Variants in SETBP1 observed in about 807,000 individuals in gnomAD.
SETBP1 encodes the protein SET-binding protein.
A neutral mutation model predicts 101.0 loss-of-function variants in SETBP1; 9 were observed. The observed-to-expected ratio is 0.09, with a 90% CI of 0.05 to 0.16. The LOEUF is 0.16. Among genes scored for constraint, SETBP1 ranks in the 10% least tolerant of loss-of-function variants. SETBP1 has a pLI of 1.00. For synonymous variants in SETBP1, 818 were observed against 788.5 expected (o/e 1.04, Z -0.63); for missense variants, 1,858 against 2,033.8 (o/e 0.91, Z 1.66).
chr18:44,722,339 C>T (rs1308243148), intron 2 of SETBP1, among the ~76,000 whole-genome samples: 1 of 152,140 alleles, frequency 6.6e-6, no homozygotes, highest in Non-Finnish European at 1.5e-5. Flanking sequence ...CCTACCTTCC[C>T]ATGAGTCCCC....
At chr18:44,976,092 A>T (rs2071980839) in intron 4 of SETBP1, among the ~76,000 whole-genome samples, 1 of 150,868 alleles carries the variant, frequency 6.6e-6, no homozygotes, top group African/African-American at 2.5e-5. Context: ...ACACACACAC[A>T]CACACACACA....
intron 3 of SETBP1, among the ~76,000 whole-genome samples, chr18:44,948,116 G>A (rs947221503): frequency 6.6e-6 from 1 of 152,174 alleles, no homozygotes; most frequent in South Asian, 2.1e-4. Context: ...ACCCTCAAGT[G>A]GTCGGATTAA....
chr18:44,911,339 C>A (rs1381455326), intron 3 of SETBP1, among the ~76,000 whole-genome samples: 1 of 152,174 alleles, frequency 6.6e-6, no homozygotes, highest in African/African-American at 2.4e-5. Context: ...TTTGTCATTA[C>A]TTTTCGTTGC....
At chr18:45,007,383 G>A (rs1283232220) in intron 4 of SETBP1, among the ~76,000 whole-genome samples, 1 of 152,046 alleles carries the variant, frequency 6.6e-6, no homozygotes, top group Non-Finnish European at 1.5e-5. Context: ...AGGGTTTGCT[G>A]ATGAAATGGA....
chr18:44,934,014 C>G (rs991924673), intron 3 of SETBP1, among the ~76,000 whole-genome samples: 8 of 152,222 alleles, frequency 5.3e-5, no homozygotes, highest in African/African-American at 9.6e-5. Context: ...TTCTGCGTCA[C>G]TCATGCTGGG....
At chr18:44,693,261 T>C (rs1459451682) in intron 1 of SETBP1, among the ~76,000 whole-genome samples, 5 of 152,176 alleles carry the variant, frequency 3.3e-5, no homozygotes, top group African/African-American at 1.2e-4. Context: ...TTGGAGTGTC[T>C]CTCTGTATCA....
intron 2 of SETBP1, among the ~76,000 whole-genome samples, chr18:44,787,550 T>A (rs2071263983): frequency 6.6e-6 from 1 of 152,106 alleles, no homozygotes; most frequent in South Asian, 2.1e-4. Context: ...CTGTAGTAGT[T>A]GGTCATTTAA....
intron 2 of SETBP1, among the ~76,000 whole-genome samples, chr18:44,721,414 G>A (rs2069593402): frequency 6.6e-6 from 1 of 152,130 alleles, no homozygotes; most frequent in Non-Finnish European, 1.5e-5. Flanking sequence ...TTCTGTATAT[G>A]AGGCCAGTTG....
intron 3 of SETBP1, among the ~76,000 whole-genome samples, chr18:44,924,531 T>C (rs1037098651): frequency 2.0e-5 from 3 of 152,150 alleles, no homozygotes; most frequent in African/African-American, 7.2e-5. Context: ...TTTATTATAT[T>C]AATGGGGAAA....
intron 2 of SETBP1, among the ~76,000 whole-genome samples, chr18:44,835,319 C>A (rs997524394): frequency 6.6e-6 from 1 of 152,174 alleles, no homozygotes; most frequent in East Asian, 1.9e-4. Context: ...ACTAAGCCAG[C>A]CTTCAAAGGT....
Position 44,951,470 on chromosome 18 carries a change from C to T in SETBP1, c.2130C>T (p.Gly710=). ...PGAAAIESKL[G]KQINVSKRGT... Reference sequence around the variant, plus strand: ...CAGCAGCCATTGAAAGCAAACTGGGCAAGCAGATTAATGTCAGCAAGAGGG... The same window carrying T: ...CAGCAGCCATTGAAAGCAAACTGGGTAAGCAGATTAATGTCAGCAAGAGGG... Residue 710 remains glycine, a synonymous_variant, in exon 4 of 6, where the codon GGC becomes GGT. Transcript: ENST00000649279. This position sits in a 1 kb window ranked among gnomAD's most constrained non-coding sequence, Gnocchi z 7.8. 6.2e-7 allele frequency: 1 copy of T among 1,614,054 alleles called. No homozygotes were observed. The highest frequency in any genetic ancestry group is 8.5e-7 in the Non-Finnish European group (1 of 1,180,014).
intron 3 of SETBP1, among the ~76,000 whole-genome samples, chr18:44,885,609 A>G (rs1191939113): frequency 6.6e-6 from 1 of 152,044 alleles, no homozygotes; most frequent in Non-Finnish European, 1.5e-5. Context: ...TCCATGTGGC[A>G]TTGACTCCCA....
intron 3 of SETBP1, among the ~76,000 whole-genome samples, chr18:44,941,767 T>A (rs1214338289): frequency 6.6e-6 from 1 of 152,172 alleles, no homozygotes; most frequent in Non-Finnish European, 1.5e-5. Flanking sequence ...AGTGAGTTTT[T>A]TTTTTTGTTT....
intron 2 of SETBP1, among the ~76,000 whole-genome samples, chr18:44,827,710 A>G (rs2072267010): frequency 6.6e-6 from 1 of 152,210 alleles, no homozygotes; most frequent in South Asian, 2.1e-4. Flanking sequence ...GAGAAACTGC[A>G]TACTTTATAG....
chr18:44,786,633 A>G (rs1410019980), intron 2 of SETBP1, among the ~76,000 whole-genome samples: 1 of 152,200 alleles, frequency 6.6e-6, no homozygotes, highest in African/African-American at 2.4e-5. Flanking sequence ...AATGCATTTG[A>G]AGCTCTCTCT....
intron 3 of SETBP1, among the ~76,000 whole-genome samples, chr18:44,902,939 A>G (rs896391527): frequency 3.9e-5 from 6 of 152,100 alleles, no homozygotes; most frequent in African/African-American, 1.4e-4. Flanking sequence ...TAAATACTAT[A>G]TAATATTTTT....
Position 44,950,413 on chromosome 18 carries a change from C to G in SETBP1, c.1073C>G (p.Ala358Gly), listed in dbSNP as rs778212759. 1.2e-6 allele frequency: 2 copies of G among 1,614,118 alleles called. No homozygotes were observed. Among genetic ancestry groups the G allele is most frequent in the Admixed American group, 3.3e-5 (2 of 60,022 alleles). ...CCAGACCTGGATTGGGTCAAGAATG[C>G]CCAGAAAGCATTTGACAATACAGAA... is the stretch of plus-strand genomic sequence containing the variant. ...PNPDLDWVKNAQKAFDNTEGK... is the reference protein window; with the variant it reads ...PNPDLDWVKNGQKAFDNTEGK... The change falls in exon 4 of 6, where the codon GCC (alanine) becomes GGC (glycine). Residue 358 changes from alanine (A) to glycine (G), a missense_variant. By Grantham distance (60) the Ala-to-Gly change is moderately conservative. Coordinates refer to ENST00000649279, the MANE Select transcript of SETBP1 (RefSeq NM_015559.3).
intron 2 of SETBP1, among the ~76,000 whole-genome samples, chr18:44,757,516 G>A (rs576144577): frequency 1.6e-4 from 24 of 152,094 alleles, no homozygotes; most frequent in Non-Finnish European, 2.8e-4. Flanking sequence ...CTGTATCCCC[G>A]GCCAGCCTCC....
chr18:45,060,471 A>G (rs559783628), intron 5 of SETBP1, among the ~76,000 whole-genome samples: 4 of 152,306 alleles, frequency 2.6e-5, no homozygotes, highest in African/African-American at 7.2e-5. Flanking sequence ...TAAAACAAGC[A>G]TAGAAAAAAG....
Sources: allele counts gnomAD v4.1 joint callset (sites outside exome capture counted in the v4.1 genomes callset), GRCh38; gene constraint gnomAD v4.1.1; non-coding constraint Gnocchi (gnomAD v3.1); transcripts MANE v1.5; gene names NCBI Gene and HGNC (gene_info 2026-07-23, HGNC 2026-07-21).